KIAA1549: variants seen among roughly 807,000 people sequenced by gnomAD.
KIAA1549 encodes the protein KIAA1549.
Under a neutral mutation model 156.4 loss-of-function variants are expected in KIAA1549, and 70 were observed. The ratio of observed to expected loss-of-function variants is 0.45; its 90% CI spans 0.37 to 0.55. The LOEUF (loss-of-function observed/expected upper bound fraction) is 0.55, where lower values mean the gene tolerates loss of function less well. KIAA1549 is among the 20% of genes least tolerant of loss of function. The pLI is 0.00. For synonymous variants in KIAA1549, 1,103 were observed against 1,066.4 expected (o/e 1.03, Z -0.67); for missense variants, 2,428 against 2,540.9 (o/e 0.96, Z 0.96).
chr7:138,978,067 G>T, intron 1 of KIAA1549, among the ~76,000 whole-genome samples: 1 of 152,102 alleles, frequency 6.6e-6, no homozygotes, highest in East Asian at 1.9e-4. Flanking sequence ...GGAAATAAAA[G>T]AATAAATCAT....
At chr7:138,912,573 T>C (rs1221975867) in intron 2 of KIAA1549, 113 bp from the exon 3 acceptor site, 4 of 842,284 alleles carry the variant, frequency 4.7e-6, no homozygotes, top group South Asian at 4.3e-5. Context: ...TCCAAAAGTC[T>C]TTTTGTAAAA....
chr7:138,966,751 A>G (rs1339097357), intron 1 of KIAA1549, among the ~76,000 whole-genome samples: 1 of 152,034 alleles, frequency 6.6e-6, no homozygotes, highest in Admixed American at 6.6e-5. Flanking sequence ...CAGGATCAAT[A>G]CTTTGCATCC....
chr7:138,943,500 CATA>C (rs1813244647), intron 1 of KIAA1549, among the ~76,000 whole-genome samples: 1 of 152,188 alleles, frequency 6.6e-6, no homozygotes, highest in African/African-American at 2.4e-5. Context: ...TTGTGTACAA[CATA>C]ATGTTTTGAA....
intron 1 of KIAA1549, among the ~76,000 whole-genome samples, chr7:138,959,084 G>A (rs1216152246): frequency 6.6e-6 from 1 of 152,074 alleles, no homozygotes; most frequent in Non-Finnish European, 1.5e-5. Flanking sequence ...ATTTTTAATA[G>A]AGACGGGGTT....
chr7:138,861,402 T>G lies in KIAA1549; in HGVS notation c.4984A>C (p.Arg1662=), dbSNP rs754452264. The G allele has an allele frequency of 1.2e-6, 2 of 1,611,570 alleles. No homozygotes were observed. Among genetic ancestry groups the G allele is most frequent in the South Asian group, 2.2e-5 (2 of 90,594 alleles). Residue 1662 remains arginine, a synonymous_variant, in exon 16 of 20, where the codon AGG becomes CGG. Transcript: ENST00000422774. ...GCCGGGAAGGGAAGGGCTGGATACCTCCCCAGTTCCACCGAGGATGGTGTC... is the reference window on the plus strand; with the variant it reads ...GCCGGGAAGGGAAGGGCTGGATACCGCCCCAGTTCCACCGAGGATGGTGTC... ...VQTPSSVELG[R]YPALPFPASQ...
At chr7:138,927,210 G>C (rs1407548266) in intron 1 of KIAA1549, among the ~76,000 whole-genome samples, 1 of 152,138 alleles carries the variant, frequency 6.6e-6, no homozygotes, top group East Asian at 1.9e-4. Flanking sequence ...TCCATCTACA[G>C]TGGATGGAGA....
intron 9 of KIAA1549, among the ~76,000 whole-genome samples, chr7:138,897,819 G>A (rs1224289146): frequency 7.0e-6 from 1 of 143,594 alleles, no homozygotes; most frequent in African/African-American, 2.6e-5. Flanking sequence ...CCTGAGCCCA[G>A]GAGTTTGAGG....
At position 138,916,910 on chromosome 7, in the gene KIAA1549, T is replaced by C. The variant is rs201853693; in HGVS notation, c.2716A>G (p.Ser906Gly). ...GCACTACTCTCTGGGGGGCTCTGAC[T>C]TGCGGCGTCACCCATCAGGGTGGAG... ...LDSTLMGDAA[S>G]QSPPESSAAP... Residue 906 changes from serine to glycine, a missense_variant, in exon 2 of 20, where the codon AGT becomes GGT. Physicochemically the swap from Ser to Gly is moderately conservative, Grantham distance 56 (BLOSUM62 0). Transcript: ENST00000422774. 210 of 1,613,344 alleles carry C rather than the reference T, an allele frequency of 1.3e-4. No homozygotes were observed. In the Admixed American group the frequency reaches 3.4e-3, roughly 26 times the overall value.
intron 12 of KIAA1549, among the ~76,000 whole-genome samples, chr7:138,878,101 A>C (rs1811137448): frequency 6.6e-6 from 1 of 152,200 alleles, no homozygotes; most frequent in Non-Finnish European, 1.5e-5. Flanking sequence ...ATTTTGAAAA[A>C]CCACATCCAA....
At chr7:138,922,785 G>A (rs541531748) in intron 1 of KIAA1549, among the ~76,000 whole-genome samples, 19 of 151,870 alleles carry the variant, frequency 1.3e-4, no homozygotes, top group Non-Finnish European at 2.5e-4. Flanking sequence ...AAGAGACATA[G>A]AAGACAGAAT....
chr7:138,897,479 TAAAG>T (rs1010885042), intron 9 of KIAA1549, among the ~76,000 whole-genome samples: 4 of 152,242 alleles, frequency 2.6e-5, no homozygotes, highest in African/African-American at 9.6e-5. Flanking sequence ...ATGTTCTCCA[TAAAG>T]ATTTTTCTGT....
In KIAA1549 at chr7:138,854,935, G is replaced by A. The variant is rs1287253319; in HGVS notation, c.5248-2666C>T. On this transcript the variant is annotated intron_variant, in intron 16 of 19. Coordinates refer to ENST00000422774, the MANE Select transcript of KIAA1549 (RefSeq NM_001164665.2). ...ATCAGCAGAAACCAAATAAGGAAAG[G>A]AGCAGAATCACGCTACACACTGAGA... is the stretch of plus-strand genomic sequence containing the variant. Among the ~76,000 whole-genome samples, 4 of 152,156 alleles carry A rather than the reference G, an allele frequency of 2.6e-5. 1 individual carries two copies. The highest frequency in any genetic ancestry group is 2.0e-4 in the Admixed American group (3 of 15,278).
At chr7:138,909,978 A>T (rs1812122041) in intron 4 of KIAA1549, among the ~76,000 whole-genome samples, 1 of 152,168 alleles carries the variant, frequency 6.6e-6, no homozygotes. Flanking sequence ...AATCACTGTT[A>T]ACTTCATATA....
chr7:138,975,810 G>A (rs530065765), intron 1 of KIAA1549, among the ~76,000 whole-genome samples: 1 of 152,170 alleles, frequency 6.6e-6, no homozygotes, highest in Non-Finnish European at 1.5e-5. Context: ...TAATTATAAT[G>A]ACGGTAATTA....
chr7:138,901,997 T>C (rs1393908815), intron 8 of KIAA1549, among the ~76,000 whole-genome samples: 2 of 152,232 alleles, frequency 1.3e-5, no homozygotes, highest in Non-Finnish European at 2.9e-5. Flanking sequence ...AACTATTTCA[T>C]GTGCAGAAGT....
chr7:138,845,563 T>C (rs1227867735), intron 17 of KIAA1549, among the ~76,000 whole-genome samples: 1 of 152,222 alleles, frequency 6.6e-6, no homozygotes, highest in East Asian at 1.9e-4. Context: ...CATAGCTCCA[T>C]CTTGCACTTT....
intron 6 of KIAA1549, 33 bp downstream of exon 6, chr7:138,906,886 C>T (rs1393205300): frequency 7.2e-7 from 1 of 1,387,704 alleles, no homozygotes; most frequent in Non-Finnish European, 9.4e-7. Context: ...CCCGCCATCA[C>T]CTCCCCAGCA....
intron 16 of KIAA1549, among the ~76,000 whole-genome samples, chr7:138,853,770 C>A (rs1810300949): frequency 6.6e-6 from 1 of 152,074 alleles, no homozygotes; most frequent in African/African-American, 2.4e-5. Flanking sequence ...AGCTTCCATT[C>A]CTTTTCCAAA....
intron 1 of KIAA1549, among the ~76,000 whole-genome samples, chr7:138,968,318 C>T (rs759147547): frequency 1.3e-5 from 2 of 151,954 alleles, no homozygotes; most frequent in African/African-American, 2.4e-5. Flanking sequence ...CAAACCTGCA[C>T]GTCCTGCACA....
Sources: allele counts gnomAD v4.1 joint callset (sites outside exome capture counted in the v4.1 genomes callset), GRCh38; gene constraint gnomAD v4.1.1; transcripts MANE v1.5; gene names NCBI Gene and HGNC (gene_info 2026-07-23, HGNC 2026-07-21).